CHST11: variants seen among roughly 807,000 people sequenced by gnomAD.
CHST11 encodes carbohydrate sulfotransferase 11, also known as C4S-1.
CHST11 carries 9 observed loss-of-function variants against 30.4 expected under a neutral mutation model. That is an observed-to-expected ratio of 0.30 (90% confidence interval 0.18 to 0.52). The LOEUF (loss-of-function observed/expected upper bound fraction) is 0.52, where lower values mean the gene tolerates loss of function less well. Ranked by LOEUF, CHST11 falls within the 20% of genes least tolerant of loss-of-function variation. The pLI is 0.97. For missense variants in CHST11, 348 were observed against 460.6 expected (o/e 0.76, Z 2.24); for synonymous variants, 152 against 187.8 (o/e 0.81, Z 1.56).
chr12:104,676,282 G>A lies in CHST11; in HGVS notation c.204+74291G>A, dbSNP rs995688226. 2.0e-5 allele frequency among the ~76,000 whole-genome samples: 3 copies of A among 152,222 alleles called. No individual in the cohort carries two copies. The highest frequency in any genetic ancestry group is 2.9e-5 in the Non-Finnish European group (2 of 68,042). The stretch of plus-strand genomic sequence containing the variant: ...AGAATCAAGGTGTCCGCAGAAATGA[G>A]TTCCTTCCAGAGGTTCCAGTGGAGA... On this transcript the variant is annotated intron_variant, in intron 2 of 2. Transcript: ENST00000303694. The surrounding 1 kb of genome is among the most constrained non-coding windows in gnomAD (Gnocchi z 4.4).
chr12:104,524,032 T>C (rs373683307), intron 1 of CHST11, among the ~76,000 whole-genome samples: 9 of 120,728 alleles, frequency 7.5e-5, no homozygotes, highest in African/African-American at 2.9e-4. Context: ...TTTTGTTTTC[T>C]TTCTTTCTTT....
intron 1 of CHST11, among the ~76,000 whole-genome samples, chr12:104,478,647 G>C (rs2037588290): frequency 6.6e-6 from 1 of 152,218 alleles, no homozygotes; most frequent in African/African-American, 2.4e-5. Flanking sequence ...TAACAGCTGA[G>C]TATTCACGGG....
At chr12:104,523,845 A>G (rs1334532242) in intron 1 of CHST11, among the ~76,000 whole-genome samples, 1 of 152,132 alleles carries the variant, frequency 6.6e-6, no homozygotes, top group African/African-American at 2.4e-5. Flanking sequence ...TCTTCTGGGA[A>G]CCCTGCAGTG....
At chr12:104,604,365 C>G (rs1467823149) in intron 2 of CHST11, among the ~76,000 whole-genome samples, 3 of 152,156 alleles carry the variant, frequency 2.0e-5, no homozygotes, top group Non-Finnish European at 4.4e-5. Flanking sequence ...TAGCCAGCAA[C>G]CAGGGAAATG....
At chr12:104,630,608 C>T (rs1250093361) in intron 2 of CHST11, among the ~76,000 whole-genome samples, 1 of 152,206 alleles carries the variant, frequency 6.6e-6, no homozygotes, top group Admixed American at 6.5e-5. Context: ...GGGAAACTGA[C>T]AGCTTCTACT....
chr12:104,742,706 G>A (rs1483500372), intron 2 of CHST11, among the ~76,000 whole-genome samples: 2 of 152,200 alleles, frequency 1.3e-5, no homozygotes. Context: ...CACCTGGCCT[G>A]GCTGAAAGGG....
chr12:104,499,537 T>A (rs1282242616), intron 1 of CHST11, among the ~76,000 whole-genome samples: 1 of 152,114 alleles, frequency 6.6e-6, no homozygotes, highest in Non-Finnish European at 1.5e-5. Context: ...AAGAAAACAT[T>A]AAAGGGGAGA....
intron 2 of CHST11, among the ~76,000 whole-genome samples, chr12:104,695,812 A>C (rs565875290): frequency 6.6e-6 from 1 of 152,142 alleles, no homozygotes. Flanking sequence ...ATTGCCACGT[A>C]CAGAGTAACT....
At chr12:104,733,459 C>T (rs1390316212) in intron 2 of CHST11, among the ~76,000 whole-genome samples, 1 of 152,180 alleles carries the variant, frequency 6.6e-6, no homozygotes, top group Non-Finnish European at 1.5e-5. Flanking sequence ...CCCTCCCTCC[C>T]AGGGCTGCAT....
At chr12:104,726,967 A>G (rs2040221584) in intron 2 of CHST11, among the ~76,000 whole-genome samples, 1 of 152,206 alleles carries the variant, frequency 6.6e-6, no homozygotes, top group South Asian at 2.1e-4. Context: ...ACTGGTCACT[A>G]TCATGACAAA....
At chr12:104,472,148 T>C (rs1446441599) in intron 1 of CHST11, among the ~76,000 whole-genome samples, 1 of 151,270 alleles carries the variant, frequency 6.6e-6, no homozygotes, top group Non-Finnish European at 1.5e-5. Flanking sequence ...TTTCTTTTTT[T>C]TTTTTTTGTA....
At chr12:104,608,523 A>G (rs1335528293) in intron 2 of CHST11, among the ~76,000 whole-genome samples, 1 of 152,124 alleles carries the variant, frequency 6.6e-6, no homozygotes, top group Non-Finnish European at 1.5e-5. Flanking sequence ...ACTTGCAGTC[A>G]GTTCCTCTCT....
intron 2 of CHST11, 147 bp from the exon 3 acceptor site, chr12:104,756,802 T>C: frequency 1.1e-6 from 1 of 925,552 alleles, no homozygotes; most frequent in Non-Finnish European, 1.6e-6. Flanking sequence ...CTGCCTCAGC[T>C]TCCCAGAGTG....
chr12:104,517,666 C>T (rs1229586595), intron 1 of CHST11, among the ~76,000 whole-genome samples: 3 of 152,144 alleles, frequency 2.0e-5, no homozygotes, highest in Non-Finnish European at 4.4e-5. Flanking sequence ...CACCCTCACC[C>T]TACTTCAGAG....
chr12:104,557,496 G>C lies in CHST11; in HGVS notation c.119-44410G>C, dbSNP rs1036854064. Among the ~76,000 whole-genome samples the C allele has an allele frequency of 3.3e-5, 5 of 152,124 alleles. No individual in the cohort carries two copies. The South Asian group carries it at 8.3e-4, about 25-fold the overall frequency. ...ATGCACCGGGCGGGGACAGGAGAAG[G>C]GGGGCACCGGCCTGGGTCTCAGATA... On this transcript the variant is annotated intron_variant, in intron 1 of 2. Transcript: ENST00000303694.
chr12:104,700,726 T>C (rs2039985073), intron 2 of CHST11, among the ~76,000 whole-genome samples: 1 of 152,242 alleles, frequency 6.6e-6, no homozygotes, highest in Non-Finnish European at 1.5e-5. Context: ...CCAGGTATTA[T>C]TGGATATCAC....
At chr12:104,537,590 C>T (rs2038248849) in intron 1 of CHST11, among the ~76,000 whole-genome samples, 4 of 152,076 alleles carry the variant, frequency 2.6e-5, no homozygotes, top group Non-Finnish European at 1.5e-5. Flanking sequence ...TTTAAAAACC[C>T]TTTTAATGTA....
intron 2 of CHST11, among the ~76,000 whole-genome samples, chr12:104,652,772 G>T (rs558262924): frequency 6.6e-6 from 1 of 152,158 alleles, no homozygotes; most frequent in Non-Finnish European, 1.5e-5. Context: ...TGTTGGTTTC[G>T]ATCCTGACCT....
rs1193795642 is a variant in CHST11, at chr12:104,555,871, GC to G, written c.119-46034del. On this transcript the variant is annotated intron_variant, in intron 1 of 2. Coordinates refer to ENST00000303694, the MANE Select transcript of CHST11 (RefSeq NM_018413.6). Reference sequence around the variant, plus strand: ...CAGCCGCACAAAGGCAGCCCTGGGGGCGTCCAGCCCCTGCTGCTCTCCGGGC... The same window carrying G: ...CAGCCGCACAAAGGCAGCCCTGGGGGGTCCAGCCCCTGCTGCTCTCCGGGC... 3.9e-5 allele frequency among the ~76,000 whole-genome samples: 6 copies of G among 152,250 alleles called. No homozygotes were observed. The South Asian group carries it at 8.3e-4, about 21-fold the overall frequency.
Sources: gnomAD v4.1 joint callset for allele counts (sites outside exome capture counted in the v4.1 genomes callset) on GRCh38, gnomAD v4.1.1 for gene constraint, Gnocchi (gnomAD v3.1) non-coding constraint, MANE v1.5 for transcripts, NCBI Gene and HGNC (gene_info 2026-07-23, HGNC 2026-07-21) for gene names.